LARGE1: variants seen among roughly 807,000 people sequenced by gnomAD.
LARGE1 encodes xylosyl- and glucuronyltransferase LARGE1.
LARGE1 carries 43 observed loss-of-function variants against 87.6 expected under a neutral mutation model. That is an observed-to-expected ratio of 0.49 (90% CI 0.38 to 0.63). The LOEUF (loss-of-function observed/expected upper bound fraction) is 0.63, where lower values mean the gene tolerates loss of function less well. Among genes scored for constraint, LARGE1 ranks in the 30% least tolerant of loss-of-function variants. The pLI, the probability that LARGE1 is intolerant of heterozygous loss-of-function variation, is 0.00. For synonymous variants in LARGE1, 434 were observed against 394.6 expected (o/e 1.10, Z -1.18); for missense variants, 802 against 1,000.2 (o/e 0.80, Z 2.67).
At chr22:33,417,865 A>G (rs2066555909) in intron 7 of LARGE1, among the ~76,000 whole-genome samples, 1 of 152,152 alleles carries the variant, frequency 6.6e-6, no homozygotes, top group Non-Finnish European at 1.5e-5. Context: ...CAAACCAGCA[A>G]TGGCAGGTTG....
At chr22:33,209,951 G>A (rs1266831162) in intron 11 of LARGE1, among the ~76,000 whole-genome samples, 1 of 152,140 alleles carries the variant, frequency 6.6e-6, no homozygotes, top group African/African-American at 2.4e-5. Flanking sequence ...GCCCGGCTGT[G>A]GTTCTTAATC....
At chr22:33,493,787 G>C (rs751970607) in intron 6 of LARGE1, among the ~76,000 whole-genome samples, 7 of 152,142 alleles carry the variant, frequency 4.6e-5, no homozygotes, top group Non-Finnish European at 8.8e-5. Flanking sequence ...TTTAAACAAT[G>C]ACTCCAGGTA....
chr22:33,754,208 G>A (rs1394657353), intron 2 of LARGE1, among the ~76,000 whole-genome samples: 1 of 152,136 alleles, frequency 6.6e-6, no homozygotes, highest in African/African-American at 2.4e-5. Flanking sequence ...ACATGCACTG[G>A]GCATTCTTTG....
chr22:33,079,389 G>A, the LARGE1 span, among the ~76,000 whole-genome samples: 9 of 151,732 alleles, frequency 5.9e-5, no homozygotes, highest in South Asian at 4.2e-4. Context: ...CACCACGCCC[G>A]GATAATTTTT....
chr22:33,788,518 G>A (rs2085723436), intron 1 of LARGE1, among the ~76,000 whole-genome samples: 1 of 152,234 alleles, frequency 6.6e-6, no homozygotes, highest in Non-Finnish European at 1.5e-5. Context: ...GGGCTCAGAA[G>A]AGGACAGGAA....
At chr22:33,889,355 T>C (rs1309984412) in intron 1 of LARGE1, 1 of 152,242 alleles carries the variant, frequency 6.6e-6, no homozygotes, top group Non-Finnish European at 1.5e-5. Context: ...CAGCATTTCT[T>C]AGCGCCATTT....
At chr22:33,801,421 G>T (rs915056397) in intron 1 of LARGE1, among the ~76,000 whole-genome samples, 1 of 152,168 alleles carries the variant, frequency 6.6e-6, no homozygotes, top group Non-Finnish European at 1.5e-5. Flanking sequence ...GTGTGTAATG[G>T]TAGCTAATTA....
intron 2 of LARGE1, chr22:33,726,198 G>A (rs1049278784): frequency 3.3e-5 from 5 of 151,928 alleles, no homozygotes. Flanking sequence ...AAGCCGACAG[G>A]TAAATAAGTA....
chr22:33,696,460 A>C (rs2082254662), intron 2 of LARGE1, among the ~76,000 whole-genome samples: 1 of 151,816 alleles, frequency 6.6e-6, no homozygotes, highest in South Asian at 2.1e-4. Context: ...AGAAGGTTTC[A>C]CTACGTGGGC....
intron 2 of LARGE1, among the ~76,000 whole-genome samples, chr22:33,679,408 C>T (rs1295977708): frequency 6.6e-6 from 1 of 152,050 alleles, no homozygotes; most frequent in Non-Finnish European, 1.5e-5. Context: ...GAAATGTCCA[C>T]GAATCCATTA....
chr22:33,217,667 G>A (rs1283333418), intron 11 of LARGE1, among the ~76,000 whole-genome samples: 1 of 152,108 alleles, frequency 6.6e-6, no homozygotes, highest in African/African-American at 2.4e-5. Flanking sequence ...GAAATGAATA[G>A]GATATATAGT....
At chr22:33,082,325 C>T in the LARGE1 span, among the ~76,000 whole-genome samples, 1 of 152,184 alleles carries the variant, frequency 6.6e-6, no homozygotes, top group South Asian at 2.1e-4. Flanking sequence ...AGATCTGTTC[C>T]AAGACCCTTC....
chr22:33,585,855 C>T (rs115424323), intron 5 of LARGE1, among the ~76,000 whole-genome samples: 5 of 152,120 alleles, frequency 3.3e-5, no homozygotes, highest in East Asian at 1.9e-4. Context: ...ATGCTCACCA[C>T]GCCCGGCTAA....
At chr22:33,910,114 C>T (rs140757246) in intron 1 of LARGE1, among the ~76,000 whole-genome samples, 8 of 152,254 alleles carry the variant, frequency 5.3e-5, no homozygotes, top group East Asian at 3.9e-4. Context: ...TATTGTTGCT[C>T]GTAACTGTTC....
At position 33,273,852 on chromosome 22, in the gene LARGE1, C is replaced by A. The variant is rs992209961; in HGVS notation, c.*575G>T. 2.1e-4 allele frequency: 81 copies of A among 385,010 alleles called. No individual in the cohort carries two copies. The highest frequency in any genetic ancestry group is 1.6e-3 in the African/African-American group (76 of 48,210). The allele number at this position is 385,010 out of a possible 1,614,324, so 23.8% of individuals were successfully genotyped here. Reference sequence around the variant, plus strand: ...AGGAGTGACTTTGGGGATAAGGAAACCCATCAACCCCACCTCCAGGACCCT... The same window carrying A: ...AGGAGTGACTTTGGGGATAAGGAAAACCATCAACCCCACCTCCAGGACCCT... On this transcript the variant is annotated 3_prime_UTR_variant, in exon 15 of 15. Coordinates refer to ENST00000397394, the MANE Select transcript of LARGE1 (RefSeq NM_133642.5).
intron 6 of LARGE1, among the ~76,000 whole-genome samples, chr22:33,447,436 C>A (rs563290571): frequency 6.6e-6 from 1 of 151,984 alleles, no homozygotes; most frequent in Admixed American, 6.5e-5. Flanking sequence ...AACCAGGAGC[C>A]GGGAGGTGAG....
rs1333719155 is a variant in LARGE1 at position 33,569,133 on chromosome 22, C to A, written c.616-4114G>T. 3.3e-5 allele frequency among the ~76,000 whole-genome samples: 5 copies of A among 152,340 alleles called. No individual in the cohort carries two copies. In the East Asian group the frequency reaches 7.7e-4, roughly 23 times the overall value. ...TGGCCTTTGGAGCTCAGCTCAGCTT[C>A]CTCTCTCCTCTAGCAATCTGCCTGA... On this transcript the variant is annotated intron_variant, in intron 5 of 14. Coordinates refer to ENST00000397394, the MANE Select transcript of LARGE1 (RefSeq NM_133642.5).
chr22:33,689,037 C>T (rs943098895), intron 2 of LARGE1, among the ~76,000 whole-genome samples: 6 of 152,230 alleles, frequency 3.9e-5, no homozygotes, highest in East Asian at 1.9e-4. Flanking sequence ...CCTGGTTTAG[C>T]GCTTCAGGCC....
rs1281724642 is a variant in LARGE1, at chr22:33,748,532, T to G, written c.106+12839A>C. Among the ~76,000 whole-genome samples the G allele has an allele frequency of 2.0e-5, 3 of 152,212 alleles. No individual in the cohort carries two copies. In the East Asian group the frequency reaches 5.8e-4, roughly 29 times the overall value. On this transcript the variant is annotated intron_variant, in intron 2 of 14. Transcript: ENST00000397394. ...CTAATTCATGCTAGGCACCATGGAC[T>G]CGTTTTCATCTTGCAAAAACCCTCA...
Sources: allele counts gnomAD v4.1 joint callset (sites outside exome capture counted in the v4.1 genomes callset), GRCh38; gene constraint gnomAD v4.1.1; transcripts MANE v1.5; gene names NCBI Gene and HGNC (gene_info 2026-07-23, HGNC 2026-07-21).